Variants in ADAMTSL1 observed in about 807,000 individuals in gnomAD.
ADAMTSL1 encodes ADAMTS-like protein 1.
A neutral mutation model predicts 201.8 loss-of-function variants in ADAMTSL1; 126 were observed. The observed-to-expected ratio is 0.62, with a 90% CI of 0.54 to 0.72. The LOEUF is 0.72. Ranked by LOEUF, ADAMTSL1 falls within the 30% of genes least tolerant of loss-of-function variation. The probability of loss-of-function intolerance (pLI) is 0.00; values close to 1 mark genes in which losing one functional copy is unlikely to be tolerated. For missense variants in ADAMTSL1, 2,679 were observed against 2,277.8 expected, an observed-to-expected ratio of 1.18 and a Z score of -3.59; for synonymous variants, 1,121 against 903.4, an observed-to-expected ratio of 1.24 and a Z score of -4.32.
At chr9:17,999,559 C>A (rs1819526373) in intron 1 of ADAMTSL1, among the ~76,000 whole-genome samples, 1 of 151,810 alleles carries the variant, frequency 6.6e-6, no homozygotes, top group South Asian at 2.1e-4. Context: ...TAATCCTCAT[C>A]ATCCTTGATT....
chr9:18,339,366 C>G lies in ADAMTSL1; in HGVS notation c.208-165463C>G, dbSNP rs551164103. ...GCATATGAAAAACTGCTTAACATCA[C>G]TAATCACTACAGAAATGCAAATCAA... On this transcript the variant is annotated intron_variant, in intron 2 of 29. Transcript: ENST00000680146. 3.3e-5 allele frequency among the ~76,000 whole-genome samples: 5 copies of G among 152,270 alleles called. No individual in the cohort carries two copies. The East Asian group carries it at 9.7e-4, about 29-fold the overall frequency.
At chr9:18,807,645 CAA>C (rs1179713904) in intron 20 of ADAMTSL1, among the ~76,000 whole-genome samples, 2 of 68,618 alleles carry the variant, frequency 2.9e-5, no homozygotes, top group Admixed American at 1.8e-4. Flanking sequence ...GACTCTGTCT[CAA>C]AAAAAAAAAA....
intron 3 of ADAMTSL1, among the ~76,000 whole-genome samples, chr9:18,563,997 G>C (rs960043232): frequency 6.6e-6 from 1 of 152,108 alleles, no homozygotes; most frequent in Non-Finnish European, 1.5e-5. Flanking sequence ...CCCTGGCTTC[G>C]GTGCCCCTTT....
rs186016602 is a variant in ADAMTSL1 at position 18,206,046 on chromosome 9, T to C, written c.207+42065T>C. ...CTCACCCTGGGCAACAAAGTGAGAC[T>C]CCATCTCAAAAAAAAAAAAAAAAAA... On this transcript the variant is annotated intron_variant, in intron 2 of 29. Coordinates refer to the ADAMTSL1 transcript ENST00000680146. Among the ~76,000 whole-genome samples the C allele has an allele frequency of 5.5e-3, 454 of 81,984 alleles. 1 individual carries two copies. Among genetic ancestry groups the C allele is most frequent in the Middle Eastern group, 0.019 (1 of 54 alleles). 53.8% of individuals were successfully genotyped at this position (81,984 alleles called of 152,430 possible).
intron 1 of ADAMTSL1, among the ~76,000 whole-genome samples, chr9:18,046,264 G>C (rs1268074669): frequency 6.6e-6 from 1 of 152,182 alleles, no homozygotes; most frequent in South Asian, 2.1e-4. Context: ...AGTTGTTTCA[G>C]TCTTGCTACT....
chr9:18,133,405 G>C (rs975230432), intron 1 of ADAMTSL1, among the ~76,000 whole-genome samples: 1 of 152,106 alleles, frequency 6.6e-6, no homozygotes, highest in South Asian at 2.1e-4. Context: ...TTATTGAGCT[G>C]GGTGGGCCAG....
intron 1 of ADAMTSL1, among the ~76,000 whole-genome samples, chr9:17,921,436 G>C (rs945441752): frequency 5.9e-5 from 9 of 152,060 alleles, no homozygotes; most frequent in Non-Finnish European, 4.4e-5. Context: ...CTGTTGTTGT[G>C]TCCTTTCCAA....
chr9:18,190,306 G>A (rs1164480120), intron 2 of ADAMTSL1, among the ~76,000 whole-genome samples: 3 of 152,240 alleles, frequency 2.0e-5, no homozygotes, highest in Non-Finnish European at 2.9e-5. Context: ...AATGAGTTAC[G>A]CTTGTCCAAC....
intron 2 of ADAMTSL1, among the ~76,000 whole-genome samples, chr9:18,287,786 G>A (rs555115158): frequency 9.1e-4 from 139 of 152,106 alleles, no homozygotes; most frequent in African/African-American, 3.0e-3. Context: ...TAGTCTTCCA[G>A]TTGGGAAGGA....
At chr9:18,829,244 C>T (rs753794130) in intron 22 of ADAMTSL1, among the ~76,000 whole-genome samples, 9 of 152,204 alleles carry the variant, frequency 5.9e-5, no homozygotes, top group Non-Finnish European at 1.2e-4. Flanking sequence ...GATGAAGCAT[C>T]GCATAGCAAC....
chr9:18,008,628 T>C (rs1819929022), intron 1 of ADAMTSL1, among the ~76,000 whole-genome samples: 1 of 151,946 alleles, frequency 6.6e-6, no homozygotes, highest in Admixed American at 6.6e-5. Flanking sequence ...AGGTTCACTA[T>C]GCATCTCCAC....
At chr9:18,804,404 G>A (rs144701763) in intron 20 of ADAMTSL1, among the ~76,000 whole-genome samples, 43 of 152,310 alleles carry the variant, frequency 2.8e-4, no homozygotes, top group African/African-American at 9.6e-4. Context: ...AGATGTAAAG[G>A]AGGCCTTGCA....
chr9:18,304,082 A>G (rs1167463957), intron 2 of ADAMTSL1, among the ~76,000 whole-genome samples: 2 of 152,166 alleles, frequency 1.3e-5, no homozygotes, highest in Non-Finnish European at 2.9e-5. Context: ...TATCAATTTA[A>G]TATTTTTGTT....
rs368951349 is a variant in ADAMTSL1, at chr9:18,770,769, A to C, written c.2385A>C (p.Ser795=). The C allele has an allele frequency of 3.7e-6, 6 of 1,613,800 alleles. No homozygotes were observed. In the Admixed American group the frequency reaches 5.0e-5, roughly 13 times the overall value. Residue 795 remains serine (S), a synonymous_variant, in exon 17 of 29, where the codon TCA becomes TCC. Coordinates refer to ENST00000380548, the MANE Select transcript of ADAMTSL1 (RefSeq NM_001040272.6). ...ACTGTCCCAGCGAGTGGCTTCTCTC[A>C]GACTGGACAGAGGTATGTATGTTCC... ...KDDCPSEWLL[S]DWTECSTSCG...
chr9:18,657,453 T>G (rs1828763162), intron 7 of ADAMTSL1, among the ~76,000 whole-genome samples, 186 bp from the exon 8 acceptor site: 1 of 152,164 alleles, frequency 6.6e-6, no homozygotes, highest in Non-Finnish European at 1.5e-5. Context: ...AGTGAAAGCT[T>G]ATGCAAGGAC....
At chr9:18,026,873 C>G (rs960287275) in intron 1 of ADAMTSL1, among the ~76,000 whole-genome samples, 9 of 151,818 alleles carry the variant, frequency 5.9e-5, no homozygotes, top group African/African-American at 1.9e-4. Context: ...ATTACTGATT[C>G]AGTTTCAGAA....
intron 2 of ADAMTSL1, among the ~76,000 whole-genome samples, chr9:18,311,000 T>C (rs968885484): frequency 4.6e-5 from 7 of 151,690 alleles, no homozygotes; most frequent in African/African-American, 1.5e-4. Context: ...GTGGCACATA[T>C]ACACCATGGA....
intron 2 of ADAMTSL1, among the ~76,000 whole-genome samples, chr9:18,387,348 C>T (rs1837840955): frequency 6.6e-6 from 1 of 151,980 alleles, no homozygotes; most frequent in African/African-American, 2.4e-5. Flanking sequence ...GGATGGAATC[C>T]TCCTATACAG....
At chr9:17,935,287 C>T (rs1222275606) in intron 1 of ADAMTSL1, among the ~76,000 whole-genome samples, 2 of 152,144 alleles carry the variant, frequency 1.3e-5, no homozygotes, top group African/African-American at 2.4e-5. Flanking sequence ...GTTGTCCCTT[C>T]TGTCTCCCAT....
Sources: gnomAD v4.1 joint callset for allele counts (sites outside exome capture counted in the v4.1 genomes callset) on GRCh38, gnomAD v4.1.1 for gene constraint, MANE v1.5 for transcripts, NCBI Gene and HGNC (gene_info 2026-07-23, HGNC 2026-07-21) for gene names.